The following CSMD1 variants were observed in gnomAD, a reference collection of about 807,000 sequenced individuals.
The protein encoded by CSMD1 is CUB and sushi domain-containing protein 1.
Under a neutral mutation model 417.5 loss-of-function variants are expected in CSMD1, and 213 were observed. That is an observed-to-expected ratio of 0.51 (90% CI 0.46 to 0.57). The LOEUF (loss-of-function observed/expected upper bound fraction) is 0.57, where lower values mean the gene tolerates loss of function less well. Ranked by LOEUF, CSMD1 falls within the 20% of genes least tolerant of loss-of-function variation. The pLI is 0.00. For missense variants in CSMD1, 6,923 were observed against 4,529.7 expected (o/e 1.53, Z -15.17); for synonymous variants, 2,862 against 1,736.8 (o/e 1.65, Z -16.11).
chr8:4,281,351 T>C (rs1289157421), intron 3 of CSMD1, among the ~76,000 whole-genome samples: 1 of 152,188 alleles, frequency 6.6e-6, no homozygotes, highest in Admixed American at 6.5e-5. Flanking sequence ...CAGAGTAAGA[T>C]GACGGCATAA....
At chr8:4,161,805 A>C (rs903479923) in intron 3 of CSMD1, among the ~76,000 whole-genome samples, 3 of 152,048 alleles carry the variant, frequency 2.0e-5, no homozygotes, top group Non-Finnish European at 4.4e-5. Context: ...AAATTTGTTC[A>C]TTTTTTCATA....
chr8:3,038,237 C>A (rs1313347910), intron 50 of CSMD1, among the ~76,000 whole-genome samples: 1 of 152,168 alleles, frequency 6.6e-6, no homozygotes, highest in African/African-American at 2.4e-5. Flanking sequence ...GTGATACCAG[C>A]AAATAGGCCT....
intron 3 of CSMD1, among the ~76,000 whole-genome samples, chr8:4,160,261 A>G (rs550528695): frequency 6.6e-6 from 1 of 152,266 alleles, no homozygotes; most frequent in African/African-American, 2.4e-5. Flanking sequence ...AAGTAACACA[A>G]AACATTCTGA....
intron 6 of CSMD1, among the ~76,000 whole-genome samples, chr8:3,751,299 A>AGTGTGTGTGTGTGTGT (rs67753470): frequency 5.0e-5 from 7 of 140,282 alleles, no homozygotes; most frequent in Non-Finnish European, 6.1e-5. Context: ...ATACAATTGA[A>AGTGTGTGTGTGTGTGT]GTGTGTGTGT....
intron 2 of CSMD1, among the ~76,000 whole-genome samples, chr8:4,580,948 G>A (rs1263222186): frequency 1.3e-5 from 2 of 152,104 alleles, no homozygotes; most frequent in Non-Finnish European, 2.9e-5. Flanking sequence ...TCACTTTTAG[G>A]TGAAAAGATA....
chr8:4,392,383 A>G (rs1277298988), intron 3 of CSMD1, among the ~76,000 whole-genome samples: 1 of 152,156 alleles, frequency 6.6e-6, no homozygotes, highest in Non-Finnish European at 1.5e-5. Flanking sequence ...ATAGAGATTA[A>G]AATCAGAGAC....
intron 12 of CSMD1, among the ~76,000 whole-genome samples, chr8:3,457,600 G>A (rs12681360): frequency 0.031 from 4,682 of 152,272 alleles, 131 homozygotes; most frequent in East Asian, 0.12. Context: ...TTCAAGAATA[G>A]AATAGTCCCA....
chr8:4,595,238 G>C (rs193036982), intron 2 of CSMD1, among the ~76,000 whole-genome samples: 3 of 152,040 alleles, frequency 2.0e-5, no homozygotes, highest in Admixed American at 6.5e-5. Context: ...GCTTGAGTTG[G>C]CTATAACTCT....
intron 8 of CSMD1, among the ~76,000 whole-genome samples, chr8:3,598,657 G>T (rs1008995965): frequency 2.0e-5 from 3 of 152,162 alleles, no homozygotes; most frequent in Admixed American, 2.0e-4. Flanking sequence ...TTTTGCTAAG[G>T]AAATGAAAGA....
At chr8:4,208,549 A>G (rs958481616) in intron 3 of CSMD1, among the ~76,000 whole-genome samples, 9 of 152,358 alleles carry the variant, frequency 5.9e-5, no homozygotes, top group Admixed American at 2.6e-4. Context: ...AAACTTCAAT[A>G]TCAGATTGAC....
At chr8:3,457,666 T>C (rs1203539977) in intron 12 of CSMD1, among the ~76,000 whole-genome samples, 2 of 152,066 alleles carry the variant, frequency 1.3e-5, no homozygotes, top group Non-Finnish European at 2.9e-5. Flanking sequence ...GACAACACAA[T>C]TCAGAAATTT....
chr8:4,105,702 G>A (rs545975217), intron 3 of CSMD1, among the ~76,000 whole-genome samples: 4 of 152,158 alleles, frequency 2.6e-5, no homozygotes, highest in Admixed American at 6.5e-5. Flanking sequence ...CCTAGGCTGG[G>A]GTACCCCATG....
At chr8:4,470,582 T>C (rs1477537606) in intron 2 of CSMD1, among the ~76,000 whole-genome samples, 2 of 152,166 alleles carry the variant, frequency 1.3e-5, no homozygotes, top group African/African-American at 4.8e-5. Context: ...AACCAAATAA[T>C]ATAACTGCCA....
At chr8:4,178,689 C>G (rs1563230093) in intron 3 of CSMD1, among the ~76,000 whole-genome samples, 1 of 152,204 alleles carries the variant, frequency 6.6e-6, no homozygotes, top group Non-Finnish European at 1.5e-5. Context: ...ACCCCACTGT[C>G]TCAGCCCAAA....
chr8:4,391,668 G>A (rs981420600), intron 3 of CSMD1, among the ~76,000 whole-genome samples: 1 of 152,042 alleles, frequency 6.6e-6, no homozygotes. Flanking sequence ...TGGGAAGACG[G>A]CTTACTTCCA....
intron 3 of CSMD1, among the ~76,000 whole-genome samples, chr8:4,164,302 T>C (rs1223257351): frequency 2.6e-5 from 4 of 152,134 alleles, no homozygotes; most frequent in African/African-American, 9.7e-5. Context: ...ATGATAAATA[T>C]AGAATCCATC....
At chr8:3,763,190 C>G (rs543705737) in intron 5 of CSMD1, among the ~76,000 whole-genome samples, 2 of 152,248 alleles carry the variant, frequency 1.3e-5, no homozygotes, top group South Asian at 4.1e-4. Context: ...TAGGCCAGTC[C>G]CACATCATAA....
rs1039503035 is a variant in CSMD1, at chr8:3,316,715, G to A, written c.3632-8212C>T. 2.8e-4 allele frequency among the ~76,000 whole-genome samples: 43 copies of A among 152,124 alleles called. 1 individual carries two copies. Among genetic ancestry groups the A allele is most frequent in the Non-Finnish European group, 1.5e-5 (1 of 68,022 alleles). ...GTTGTGATGGAGACAGGGATTGAAG[G>A]GAAGACAGGAAAGGTCACGGGAAAG... On this transcript the variant is annotated intron_variant, in intron 23 of 69. Coordinates refer to ENST00000635120, the MANE Select transcript of CSMD1 (RefSeq NM_033225.6).
chr8:4,433,662 TACA>T (rs1797994049), intron 2 of CSMD1, among the ~76,000 whole-genome samples: 1 of 152,204 alleles, frequency 6.6e-6, no homozygotes, highest in Non-Finnish European at 1.5e-5. Context: ...CTGAAAGAGC[TACA>T]CTCTCCCACT....
Sources: gnomAD v4.1 joint callset for allele counts (sites outside exome capture counted in the v4.1 genomes callset) on GRCh38, gnomAD v4.1.1 for gene constraint, MANE v1.5 for transcripts, NCBI Gene and HGNC (gene_info 2026-07-23, HGNC 2026-07-21) for gene names.